RFC1: variants seen among roughly 807,000 people sequenced by gnomAD.
RFC1 encodes the protein A1 140 kDa subunit.
In RFC1, 37 loss-of-function variants were observed where a neutral mutation model predicts 137.4. The ratio of observed to expected loss-of-function variants is 0.27; its 90% CI spans 0.21 to 0.35. The LOEUF is 0.35. Ranked by LOEUF, RFC1 falls within the 10% of genes least tolerant of loss-of-function variation. The pLI is 1.00. For missense variants in RFC1, 1,205 were observed against 1,358.5 expected (o/e 0.89, Z 1.78); for synonymous variants, 429 against 455.7 (o/e 0.94, Z 0.75).
chr4:39,327,591 A>C lies in RFC1; in HGVS notation c.497T>G (p.Leu166Arg). The C allele has an allele frequency of 6.2e-7, 1 of 1,613,670 alleles. No individual in the cohort carries two copies. Among genetic ancestry groups the C allele is most frequent in the South Asian group, 1.1e-5 (1 of 91,002 alleles). Residue 166 changes from leucine (L) to arginine (R), a missense_variant, in exon 5 of 25, where the codon CTT (leucine) becomes CGT (arginine). Transcript: ENST00000349703. Reference sequence around the variant, plus strand: ...GACACTTCCAGTTCCAAAATAATCAAGTACTGATGTGGGTGTAAGTTTTAT... The same window carrying C: ...GACACTTCCAGTTCCAAAATAATCACGTACTGATGTGGGTGTAAGTTTTAT... ...SPIKLTPTSV[L>R]DYFGTGSVQR...
chr4:39,307,050 C>T (rs1738705507), intron 13 of RFC1, among the ~76,000 whole-genome samples: 1 of 152,294 alleles, frequency 6.6e-6, no homozygotes, highest in African/African-American at 2.4e-5. Flanking sequence ...CTCTCACCAG[C>T]CGTGGGTACT....
chr4:39,316,776 T>A, intron 10 of RFC1, 139 bp downstream of exon 10: 1 of 564,616 alleles, frequency 1.8e-6, no homozygotes, highest in South Asian at 2.4e-5. Flanking sequence ...CATCCCTAAT[T>A]CTTGAAGACA....
Position 39,351,353 on chromosome 4 carries a change from T to C in RFC1, c.127A>G (p.Ile43Val). The change falls in exon 2 of 25, where the codon ATC becomes GTC. Residue 43 changes from isoleucine to valine, a missense_variant. This residue lies in a region of RFC1 where 962 missense variants were observed against 1,035.3 expected (regional missense o/e 0.93). Transcript: ENST00000349703. ...TLKAKKGIKE[I>V]KVNSSRKEDD... ...ATTATACCCAGAAAACTAACCTTGA[T>C]TTCCTTTATTCCTTTCTTTGCTTTT... The C allele has an allele frequency of 6.5e-7, 1 of 1,537,980 alleles. No homozygotes were observed. The highest frequency in any genetic ancestry group is 8.7e-7 in the Non-Finnish European group (1 of 1,151,744).
At chr4:39,316,335 C>T (rs1412614024) in intron 10 of RFC1, among the ~76,000 whole-genome samples, 1 of 152,212 alleles carries the variant, frequency 6.6e-6, no homozygotes, top group Non-Finnish European at 1.5e-5. Context: ...ATCCCTTGGT[C>T]ACTATGCTCC....
intron 1 of RFC1, chr4:39,356,097 T>G (rs1359980823): frequency 6.7e-6 from 1 of 150,360 alleles, no homozygotes; most frequent in African/African-American, 2.4e-5. Flanking sequence ...GCCCAGTAAT[T>G]TCATTTCTAA....
chr4:39,309,783 G>A (rs1393250365), intron 12 of RFC1, among the ~76,000 whole-genome samples: 1 of 152,166 alleles, frequency 6.6e-6, no homozygotes, highest in Admixed American at 6.5e-5. Flanking sequence ...AAAAACCACT[G>A]ATTTGTATAC....
Position 39,327,699 on chromosome 4 carries a change from C to G in RFC1, c.389G>C (p.Arg130Thr). ...TGTTCCAAGATGACTATTTGTAGAT[C>G]TTCCATTCTCTTTTGATTTAGAGGC... ...KAASKSKENGRSTNSHLGTSN... is the reference protein window; with the variant it reads ...KAASKSKENGTSTNSHLGTSN... Residue 130 changes from arginine to threonine, a missense_variant, in exon 5 of 25, where the codon AGA becomes ACA. This residue lies in a region of RFC1 where 962 missense variants were observed against 1,035.3 expected (regional missense o/e 0.93). Transcript: ENST00000349703. 6.2e-7 allele frequency: 1 copy of G among 1,612,842 alleles called. No individual in the cohort carries two copies. The highest frequency in any genetic ancestry group is 1.1e-5 in the South Asian group (1 of 90,878).
intron 23 of RFC1, 61 bp downstream of exon 23, chr4:39,291,578 T>C (rs945872407): frequency 1.4e-5 from 16 of 1,171,228 alleles, no homozygotes; most frequent in Non-Finnish European, 1.9e-5. Flanking sequence ...ACCTCCGAAG[T>C]ATTGTCAGTA....
chr4:39,299,863 C>A (rs930797201), intron 21 of RFC1, among the ~76,000 whole-genome samples, 158 bp downstream of exon 21: 1 of 151,794 alleles, frequency 6.6e-6, no homozygotes, highest in South Asian at 2.1e-4. Flanking sequence ...TCCAGTGAGC[C>A]GAGATCATAC....
At position 39,300,540 on chromosome 4, in the gene RFC1, C is replaced by T. The variant is rs948128934; in HGVS notation, c.2536-126G>A. 9 of 710,634 alleles carry T rather than the reference C, an allele frequency of 1.3e-5. No individual in the cohort carries two copies. In the African/African-American group the frequency reaches 1.6e-4, roughly 13 times the overall value. The allele number at this position is 710,634 out of a possible 1,614,324, so 44.0% of individuals were successfully genotyped here. A position where few individuals can be genotyped will look rare whatever the true frequency, so the allele number is the denominator to read the frequency against. On this transcript the variant is annotated intron_variant, in intron 19 of 24. Coordinates refer to ENST00000349703, the MANE Select transcript of RFC1 (RefSeq NM_002913.5). ...TTGCTGGTGGGAATGCAAAACTGTA[C>T]CGTTTGGTAGTTTCTTACAAAATTA...
chr4:39,354,724 C>G (rs1302014606), intron 1 of RFC1, among the ~76,000 whole-genome samples: 2 of 137,388 alleles, frequency 1.5e-5, no homozygotes, highest in African/African-American at 2.9e-5. Flanking sequence ...TCAAGTTCAG[C>G]CTGGACAACA....
chr4:39,321,955 T>C (rs1560605332), intron 7 of RFC1: 1 of 124,494 alleles, frequency 8.0e-6, no homozygotes, highest in Non-Finnish European at 1.9e-5. Context: ...AATACCTGCC[T>C]GTTTAGTCTT....
At chr4:39,300,487 G>A (rs1738295561) in intron 19 of RFC1, 73 bp from the exon 20 acceptor site, 4 of 1,096,176 alleles carry the variant, frequency 3.6e-6, no homozygotes, top group South Asian at 1.4e-5. Flanking sequence ...ATGCTAACGA[G>A]GATATGGAAC....
chr4:39,305,284 A>T (rs1560594995), intron 14 of RFC1, among the ~76,000 whole-genome samples: 1 of 152,140 alleles, frequency 6.6e-6, no homozygotes, highest in Non-Finnish European at 1.5e-5. Flanking sequence ...CATCCCAACA[A>T]TTCACTATCA....
chr4:39,362,170 A>G (rs1314042552), intron 1 of RFC1, among the ~76,000 whole-genome samples: 1 of 152,258 alleles, frequency 6.6e-6, no homozygotes, highest in African/African-American at 2.4e-5. Flanking sequence ...CTGAAGACCT[A>G]AACAAATGAA....
chr4:39,301,214 C>T (rs1738343129), intron 19 of RFC1, among the ~76,000 whole-genome samples: 1 of 152,124 alleles, frequency 6.6e-6, no homozygotes, highest in Non-Finnish European at 1.5e-5. Flanking sequence ...AACTATACCA[C>T]ATTCTGGAAA....
At chr4:39,292,459 G>A (rs17288757) in intron 22 of RFC1, among the ~76,000 whole-genome samples, 6,025 of 152,122 alleles carry the variant, frequency 0.04, 173 homozygotes, top group Non-Finnish European at 0.056. Context: ...CTGAGAACTC[G>A]AATGTTATCA....
intron 3 of RFC1, among the ~76,000 whole-genome samples, chr4:39,345,135 C>T (rs552707195): frequency 3.9e-4 from 59 of 152,214 alleles, no homozygotes; most frequent in African/African-American, 1.3e-3. Flanking sequence ...ATATCTCAGC[C>T]TCCTGAGTAG....
At chr4:39,344,497 C>T (rs1740752580) in intron 3 of RFC1, among the ~76,000 whole-genome samples, 1 of 152,194 alleles carries the variant, frequency 6.6e-6, no homozygotes, top group African/African-American at 2.4e-5. Context: ...GCCAGAGGCT[C>T]ATGCCTGTAA....
Sources: allele counts gnomAD v4.1 joint callset (sites outside exome capture counted in the v4.1 genomes callset), GRCh38; gene constraint gnomAD v4.1.1; regional missense constraint gnomAD v4.1.1; transcripts MANE v1.5; gene names NCBI Gene and HGNC (gene_info 2026-07-23, HGNC 2026-07-21).